KCTD2: variants seen among roughly 807,000 people sequenced by gnomAD.
KCTD2 encodes the protein potassium channel tetramerization domain containing 2, also known as BTB/POZ domain-containing protein KCTD2.
Under a neutral mutation model 27.9 loss-of-function variants are expected in KCTD2, and 18 were observed. The observed-to-expected ratio is 0.64, with a 90% confidence interval of 0.45 to 0.96. The LOEUF is 0.96. KCTD2 is among the 40% of genes least tolerant of loss of function. The pLI, the probability that KCTD2 is intolerant of heterozygous loss-of-function variation, is 0.00. For missense variants in KCTD2, 280 were observed against 348.0 expected, an observed-to-expected ratio of 0.80 and a Z score of 1.56; for synonymous variants, 175 against 148.4, an observed-to-expected ratio of 1.18 and a Z score of -1.30.
At chr17:75,051,190 G>A (rs560436833) in intron 2 of KCTD2, among the ~76,000 whole-genome samples, 1 of 150,476 alleles carries the variant, frequency 6.6e-6, no homozygotes, top group African/African-American at 2.4e-5. Context: ...AGCCAGGATG[G>A]TCTCATCTCG....
rs969380873 is a variant in KCTD2 at position 75,057,864 on chromosome 17, G to A, written c.541-1646G>A. Among the ~76,000 whole-genome samples, 15 of 151,310 alleles carry A rather than the reference G, an allele frequency of 9.9e-5. No homozygotes were observed. In the East Asian group the frequency reaches 1.6e-3, roughly 16 times the overall value. Reference sequence around the variant, plus strand: ...GCGTGAGTCACTGCACCCGGCGATCGTTATACCTCTTTTGGAAGAAAACAT... The same window carrying A: ...GCGTGAGTCACTGCACCCGGCGATCATTATACCTCTTTTGGAAGAAAACAT... On this transcript the variant is annotated intron_variant, in intron 3 of 5. Transcript: ENST00000322444.
At chr17:75,056,952 C>CTTTTTTTTTTTTTTTTTTTT (rs35875644) in intron 3 of KCTD2, among the ~76,000 whole-genome samples, 1 of 107,990 alleles carries the variant, frequency 9.3e-6, no homozygotes, top group Non-Finnish European at 1.8e-5. Flanking sequence ...TTTCTTTTTT[C>CTTTTTTTTTTTTTTTTTTTT]TTTTTTTTTT....
At chr17:75,042,160 T>C in intron 3 of KCTD2, 2 of 1,605,496 alleles carry the variant, frequency 1.2e-6, no homozygotes, top group Non-Finnish European at 1.7e-6. Flanking sequence ...AGCTCAGTGC[T>C]TTAGAGGTGT....
intron 1 of KCTD2, chr17:75,033,991 C>T (rs1207006829): frequency 6.6e-6 from 1 of 152,146 alleles, no homozygotes; most frequent in South Asian, 2.1e-4. Flanking sequence ...GGTGAAAGTT[C>T]CTTTTACGGA....
upstream of KCTD2, among the ~76,000 whole-genome samples, chr17:75,042,948 C>T (rs1336341939): frequency 3.9e-5 from 6 of 152,092 alleles, no homozygotes; most frequent in Admixed American, 3.9e-4. Flanking sequence ...CGGCCAGGCG[C>T]AGTGGGCTCA....
rs2073233431 is a variant in KCTD2, at chr17:75,047,304, G to A, written c.54G>A (p.Gly18=). The A allele has an allele frequency of 1.0e-6, 1 of 990,142 alleles. No individual in the cohort carries two copies. The highest frequency in any genetic ancestry group is 1.2e-6 in the Non-Finnish European group (1 of 820,198). 61.3% of individuals were successfully genotyped at this position (990,142 alleles called of 1,614,324 possible). The part of the protein sequence containing the change: ...PAMAGLGGGG[G]SGVGDGGGPV... The stretch of plus-strand genomic sequence containing the variant: ...TGGCGGGGCTGGGAGGGGGCGGCGG[G>A]AGTGGGGTGGGCGACGGGGGTGGCC... Residue 18 remains glycine, a synonymous_variant, in exon 1 of 6, where the codon GGG becomes GGA. Transcript: ENST00000322444.
At chr17:75,040,885 CAAA>C (rs34981433) in intron 3 of KCTD2, 3 of 76,958 alleles carry the variant, frequency 3.9e-5, no homozygotes, top group Non-Finnish European at 5.2e-5. Flanking sequence ...GACTCCGTCT[CAAA>C]AAAAAAAAAA....
At position 75,051,277 on chromosome 17, in the gene KCTD2, C is replaced by CTT. The variant is rs35794705; in HGVS notation, c.449-1714_449-1713dup. Among the ~76,000 whole-genome samples the CTT allele has an allele frequency of 4.1e-3, 267 of 64,616 alleles. 3 individuals carry two copies. Among genetic ancestry groups the CTT allele is most frequent in the Non-Finnish European group, 5.0e-3 (180 of 35,788 alleles). The allele number at this position is 64,616 out of a possible 152,430, so 42.4% of individuals were successfully genotyped here. On this transcript the variant is annotated intron_variant, in intron 2 of 5. Transcript: ENST00000322444. ...ACAGACATGAGCCACCGCGCCCGAC[C>CTT]TTTTTTTTTTTTTTTTTTTTTTTTG... is the stretch of plus-strand genomic sequence containing the variant.
At chr17:75,036,998 C>T (rs1311134858) in intron 3 of KCTD2, among the ~76,000 whole-genome samples, 1 of 152,162 alleles carries the variant, frequency 6.6e-6, no homozygotes, top group African/African-American at 2.4e-5. Flanking sequence ...GTTAAGACTA[C>T]GCTGATTTCT....
Position 75,047,317 on chromosome 17 carries a change from G to T in KCTD2, c.67G>T (p.Asp23Tyr). 1 of 1,064,282 alleles carries T rather than the reference G, an allele frequency of 9.4e-7. No individual in the cohort carries two copies. The highest frequency in any genetic ancestry group is 4.7e-5 in the East Asian group (1 of 21,154). The allele number at this position is 1,064,282 out of a possible 1,614,324, so 65.9% of individuals were successfully genotyped here. A position where few individuals can be genotyped will look rare whatever the true frequency, so the allele number is the denominator to read the frequency against. The change falls in exon 1 of 6, where the codon GAC becomes TAC. Residue 23 changes from aspartate (D) to tyrosine (Y), a missense_variant. Asp to Tyr is a radical substitution (Grantham distance 160). Transcript: ENST00000322444. ...LGGGGGSGVG[D>Y]GGGPVRGPPS... ...AGGGGGCGGCGGGAGTGGGGTGGGC[G>T]ACGGGGGTGGCCCAGTCCGCGGGCC... is the stretch of plus-strand genomic sequence containing the variant.
chr17:75,058,389 A>T (rs2073370501), intron 3 of KCTD2, among the ~76,000 whole-genome samples: 1 of 151,988 alleles, frequency 6.6e-6, no homozygotes, highest in South Asian at 2.1e-4. Flanking sequence ...CTGTAATCCC[A>T]GCTACTCGGG....
intron 2 of KCTD2, among the ~76,000 whole-genome samples, chr17:75,050,671 C>T (rs2073275191): frequency 1.3e-5 from 2 of 152,174 alleles, no homozygotes; most frequent in South Asian, 4.1e-4. Context: ...CAATTACCCT[C>T]TTTTAGTTAA....
intron 1 of KCTD2, among the ~76,000 whole-genome samples, chr17:75,033,749 CA>C (rs2040085187): frequency 6.6e-6 from 1 of 152,236 alleles, no homozygotes; most frequent in Non-Finnish European, 1.5e-5. Flanking sequence ...AGGATGGGGG[CA>C]GGTCCCTGCG....
At position 75,063,370 on chromosome 17, in the gene KCTD2, A is replaced by G; in HGVS notation, c.*323A>G. 2.5e-6 allele frequency: 1 copy of G among 395,660 alleles called. No homozygotes were observed. The highest frequency in any genetic ancestry group is 4.7e-6 in the Non-Finnish European group (1 of 211,386). 24.5% of individuals were successfully genotyped at this position (395,660 alleles called of 1,614,324 possible). A position where few individuals can be genotyped will look rare whatever the true frequency, so the allele number is the denominator to read the frequency against. On this transcript the variant is annotated 3_prime_UTR_variant, in exon 6 of 6. Transcript: ENST00000322444. ...CGGGGATCTGGGGGATGAGGGCGGA[A>G]GGCCTAGCTCCTTGGAAATGGCCTG...
intron 2 of KCTD2, 119 bp downstream of exon 2, chr17:75,049,447 G>A: frequency 1.5e-6 from 1 of 647,732 alleles, no homozygotes; most frequent in Non-Finnish European, 2.7e-6. Context: ...ATAGTTTCAG[G>A]TTTATGAAAC....
intron 3 of KCTD2, among the ~76,000 whole-genome samples, chr17:75,037,345 G>GAAAAAA (rs56310455): frequency 1.3e-3 from 108 of 84,646 alleles, no homozygotes; most frequent in African/African-American, 3.4e-3. Context: ...TTCCATATCA[G>GAAAAAA]AAAAAAAAAA....
intron 2 of KCTD2, among the ~76,000 whole-genome samples, chr17:75,050,274 C>A (rs1461077793): frequency 6.6e-6 from 1 of 151,820 alleles, no homozygotes; most frequent in Non-Finnish European, 1.5e-5. Flanking sequence ...TTATGGGGTA[C>A]ATGAGATTTT....
chr17:75,059,155 T>G (rs2073379252), intron 3 of KCTD2: 2 of 153,548 alleles, frequency 1.3e-5, no homozygotes, highest in African/African-American at 4.8e-5. Context: ...ACCTTATTTT[T>G]GACTTGGGGA....
At chr17:75,043,597 G>A (rs1047332951), upstream of KCTD2, among the ~76,000 whole-genome samples, 1 of 143,400 alleles carries the variant, frequency 7.0e-6, no homozygotes, top group Non-Finnish European at 1.5e-5. Context: ...TGGACACAGA[G>A]TGAGACTCTG....
Sources: allele counts gnomAD v4.1 joint callset (sites outside exome capture counted in the v4.1 genomes callset), GRCh38; gene constraint gnomAD v4.1.1; transcripts MANE v1.5; gene names NCBI Gene and HGNC (gene_info 2026-07-23, HGNC 2026-07-21).